The following NXPE2 variants were observed in gnomAD, a reference collection of about 807,000 sequenced individuals.
The protein encoded by NXPE2 is neurexophilin and PC-esterase domain family member 2.
Under a neutral mutation model 34.4 loss-of-function variants are expected in NXPE2, and 34 were observed. The ratio of observed to expected loss-of-function variants is 0.99; its 90% CI spans 0.75 to 1.31. The LOEUF is 1.31. Ranked by LOEUF, NXPE2 falls within the 40% of genes most tolerant of loss-of-function variation. The pLI, the probability that NXPE2 is intolerant of heterozygous loss-of-function variation, is 0.00. For missense variants in NXPE2, 649 were observed against 672.5 expected (o/e 0.97, Z 0.39); for synonymous variants, 235 against 231.3 (o/e 1.02, Z -0.15).
chr11:114,706,331 T>G (rs1462246479), intron 5 of NXPE2, 64 bp from the exon 6 acceptor site: 1 of 1,297,386 alleles, frequency 7.7e-7, no homozygotes, highest in Admixed American at 2.7e-5. Flanking sequence ...ATACATGTTG[T>G]GTGCAGTTTA....
the NXPE2 span, among the ~76,000 whole-genome samples, chr11:114,560,685 C>A: frequency 2.0e-5 from 3 of 152,144 alleles, no homozygotes; most frequent in Non-Finnish European, 4.4e-5. Context: ...ATTTAATTCA[C>A]CAATACAGTA....
At chr11:114,494,242 C>G in the NXPE2 span, among the ~76,000 whole-genome samples, 1 of 152,064 alleles carries the variant, frequency 6.6e-6, no homozygotes, top group African/African-American at 2.4e-5. Context: ...TGATATATTC[C>G]CTAGGTTTGG....
the NXPE2 span, among the ~76,000 whole-genome samples, chr11:114,612,757 T>C: frequency 6.6e-6 from 1 of 151,868 alleles, no homozygotes; most frequent in African/African-American, 2.4e-5. Flanking sequence ...TTAATAAGTG[T>C]TGCCTCGTGG....
At chr11:114,536,730 A>G in the NXPE2 span, among the ~76,000 whole-genome samples, 1 of 152,242 alleles carries the variant, frequency 6.6e-6, no homozygotes, top group African/African-American at 2.4e-5. Context: ...AGACAAAACC[A>G]GGAAGAAGTT....
chr11:114,623,378 G>A, the NXPE2 span, among the ~76,000 whole-genome samples: 1 of 152,082 alleles, frequency 6.6e-6, no homozygotes, highest in Admixed American at 6.5e-5. Context: ...TTTAAACGTG[G>A]GATAATAAGT....
At chr11:114,692,358 C>T (rs1008713861) in intron 2 of NXPE2, among the ~76,000 whole-genome samples, 2 of 152,306 alleles carry the variant, frequency 1.3e-5, no homozygotes, top group Non-Finnish European at 2.9e-5. Flanking sequence ...TGTGTGGGTG[C>T]ACCCATTCTC....
chr11:114,702,463 A>G (rs564170042), intron 3 of NXPE2, among the ~76,000 whole-genome samples: 1 of 152,270 alleles, frequency 6.6e-6, no homozygotes, highest in African/African-American at 2.4e-5. Flanking sequence ...TTAAAGACAA[A>G]TCTTACTCTT....
chr11:114,806,669 C>A, the NXPE2 span, among the ~76,000 whole-genome samples: 2 of 152,136 alleles, frequency 1.3e-5, no homozygotes, highest in South Asian at 4.2e-4. Context: ...AGAACAAAGC[C>A]TCCAAGAAAT....
the NXPE2 span, among the ~76,000 whole-genome samples, chr11:114,611,716 CT>C: frequency 6.6e-6 from 1 of 151,014 alleles, no homozygotes; most frequent in African/African-American, 2.4e-5. Context: ...TTAGTATTGC[CT>C]TGTGGGTCAC....
the NXPE2 span, among the ~76,000 whole-genome samples, chr11:114,487,375 A>G: frequency 6.6e-6 from 1 of 152,134 alleles, no homozygotes; most frequent in Non-Finnish European, 1.5e-5. Flanking sequence ...TTTTCGTATC[A>G]GTTCTAATAG....
the NXPE2 span, among the ~76,000 whole-genome samples, chr11:114,790,068 C>A: frequency 6.6e-6 from 1 of 152,172 alleles, no homozygotes; most frequent in Admixed American, 6.5e-5. Flanking sequence ...TACGCACTTA[C>A]AATAAGCCCT....
At chr11:114,686,638 A>G (rs928015275) in intron 2 of NXPE2, among the ~76,000 whole-genome samples, 4 of 152,272 alleles carry the variant, frequency 2.6e-5, no homozygotes, top group Admixed American at 6.5e-5. Flanking sequence ...ATACCCAGTA[A>G]TGGGATTGCT....
At chr11:114,636,807 A>G in the NXPE2 span, among the ~76,000 whole-genome samples, 2 of 152,042 alleles carry the variant, frequency 1.3e-5, no homozygotes, top group Non-Finnish European at 2.9e-5. Flanking sequence ...TTCTAGTTTG[A>G]TTGCACTGTG....
chr11:114,633,001 TA>T, the NXPE2 span, among the ~76,000 whole-genome samples: 2 of 106,186 alleles, frequency 1.9e-5, no homozygotes, highest in Non-Finnish European at 3.4e-5. Context: ...TAATATATAA[TA>T]ATATATATTA....
the NXPE2 span, among the ~76,000 whole-genome samples, chr11:114,543,997 A>T: frequency 1.3e-5 from 2 of 152,214 alleles, no homozygotes; most frequent in Non-Finnish European, 2.9e-5. Context: ...GCACCAAAAA[A>T]GTGAAGCACT....
the NXPE2 span, among the ~76,000 whole-genome samples, chr11:114,731,523 T>C: frequency 1.3e-5 from 2 of 152,222 alleles, no homozygotes; most frequent in African/African-American, 4.8e-5. Context: ...ACATCCATAC[T>C]ATGGAACAGT....
chr11:114,774,009 G>C, the NXPE2 span, among the ~76,000 whole-genome samples: 1 of 152,148 alleles, frequency 6.6e-6, no homozygotes, highest in Non-Finnish European at 1.5e-5. Flanking sequence ...CTCTCTCTAC[G>C]GCCCTCAGTT....
chr11:114,809,630 C>G, the NXPE2 span, among the ~76,000 whole-genome samples: 1 of 13,202 alleles, frequency 7.6e-5, no homozygotes, highest in Non-Finnish European at 8.8e-4. Context: ...ATCCAACTTA[C>G]AAGGGACATG....
chr11:114,710,193 GAA>G (rs1859587457), downstream of NXPE2, among the ~76,000 whole-genome samples: 1 of 151,966 alleles, frequency 6.6e-6, no homozygotes, highest in Admixed American at 6.6e-5. Context: ...CAAGGAACTA[GAA>G]AAAGAAGAAC....
Sources: gnomAD v4.1 joint callset for allele counts (sites outside exome capture counted in the v4.1 genomes callset) on GRCh38, gnomAD v4.1.1 for gene constraint, MANE v1.5 for transcripts, NCBI Gene and HGNC (gene_info 2026-07-23, HGNC 2026-07-21) for gene names.